The following MGAM variants were observed in gnomAD, a reference collection of about 807,000 sequenced individuals.
MGAM encodes the protein maltase-glucoamylase, also known as alpha-1,4-glucosidase.
In MGAM, 253 loss-of-function variants were observed where a neutral mutation model predicts 358.8. The ratio of observed to expected loss-of-function variants is 0.71; its 90% CI spans 0.64 to 0.78. The LOEUF (loss-of-function observed/expected upper bound fraction) is 0.78, where lower values mean the gene tolerates loss of function less well. Ranked by LOEUF, MGAM falls within the 30% of genes least tolerant of loss-of-function variation. MGAM has a pLI of 0.00. For missense variants in MGAM, 3,080 were observed against 3,432.6 expected, an observed-to-expected ratio of 0.90 and a Z score of 2.57; for synonymous variants, 1,105 against 1,227.1, an observed-to-expected ratio of 0.90 and a Z score of 2.08.
chr7:142,053,554 T>G (rs970810999), intron 26 of MGAM, among the ~76,000 whole-genome samples: 4 of 152,194 alleles, frequency 2.6e-5, no homozygotes, highest in Non-Finnish European at 5.9e-5. Flanking sequence ...TGCAGTAATT[T>G]CATTTCTTTC....
chr7:142,029,716 T>C (rs551477183), intron 10 of MGAM, among the ~76,000 whole-genome samples: 2 of 152,326 alleles, frequency 1.3e-5, no homozygotes, highest in Admixed American at 1.3e-4. Flanking sequence ...AGTTTGAATG[T>C]ACCTATGATA....
chr7:142,069,250 C>CTT (rs904809801), intron 43 of MGAM, among the ~76,000 whole-genome samples: 2 of 145,696 alleles, frequency 1.4e-5, no homozygotes, highest in Non-Finnish European at 3.1e-5. Flanking sequence ...CCTTGTGTGT[C>CTT]TAAGTAGTGC....
Position 142,087,652 on chromosome 7 carries a change from C to T in MGAM, c.6810+935C>T, listed in dbSNP as rs574382896. On this transcript the variant is annotated intron_variant, in intron 57 of 70. Coordinates refer to ENST00000475668, the MANE Select transcript of MGAM (RefSeq NM_001365693.1). Reference sequence around the variant, plus strand: ...AGCCTATGTGACCCCCACAGAAAAGCTGGGGAGACAAGGAAAAGGCCTCTT... The same window carrying T: ...AGCCTATGTGACCCCCACAGAAAAGTTGGGGAGACAAGGAAAAGGCCTCTT... 2.0e-5 allele frequency among the ~76,000 whole-genome samples: 3 copies of T among 146,562 alleles called. No individual in the cohort carries two copies. In the East Asian group the frequency reaches 6.0e-4, roughly 30 times the overall value.
chr7:142,046,144 A>C (rs916176148), intron 21 of MGAM, among the ~76,000 whole-genome samples: 1 of 144,918 alleles, frequency 6.9e-6, no homozygotes, highest in African/African-American at 2.5e-5. Flanking sequence ...TATATATTAT[A>C]TATATATTTA....
intron 2 of MGAM, among the ~76,000 whole-genome samples, chr7:142,007,006 C>G (rs944693579): frequency 3.3e-5 from 5 of 152,066 alleles, no homozygotes; most frequent in Non-Finnish European, 5.9e-5. Flanking sequence ...TCCCCATAAA[C>G]TTTTTGTGAG....
chr7:142,061,681 A>G (rs1265587209), intron 34 of MGAM, among the ~76,000 whole-genome samples: 1 of 152,158 alleles, frequency 6.6e-6, no homozygotes, highest in Non-Finnish European at 1.5e-5. Context: ...TGGTGTGATT[A>G]TCATAGAGGA....
intron 12 of MGAM, 127 bp downstream of exon 12, chr7:142,030,884 C>T: frequency 1.5e-6 from 1 of 672,428 alleles, no homozygotes; most frequent in South Asian, 1.9e-5. Flanking sequence ...TTTATATATG[C>T]TGGGGATAAA....
At chr7:142,100,736 T>C (rs1816369371) in intron 67 of MGAM, 66 bp from the exon 68 acceptor site, 7 of 1,356,818 alleles carry the variant, frequency 5.2e-6, no homozygotes, top group Non-Finnish European at 7.3e-6. Context: ...TATGTTTGTA[T>C]GTAAAGTCTT....
At chr7:142,034,908 C>G in intron 16 of MGAM, 67 bp downstream of exon 16, 1 of 1,498,006 alleles carries the variant, frequency 6.7e-7, no homozygotes, top group Non-Finnish European at 9.1e-7. Flanking sequence ...AGAAAGTTTT[C>G]AAACCACAAA....
At chr7:141,992,942 A>C (rs1804010115), upstream of MGAM, among the ~76,000 whole-genome samples, 1 of 152,134 alleles carries the variant, frequency 6.6e-6, no homozygotes, top group South Asian at 2.1e-4. Flanking sequence ...TTCCTCTTTT[A>C]GCTGTAAATT....
chr7:142,053,599 C>G, intron 26 of MGAM, among the ~76,000 whole-genome samples: 1 of 152,090 alleles, frequency 6.6e-6, no homozygotes, highest in African/African-American at 2.4e-5. Flanking sequence ...TAGGGATGGA[C>G]TAGCTGTGAT....
At chr7:142,054,215 T>C (rs1811276673) in intron 26 of MGAM, among the ~76,000 whole-genome samples, 1 of 152,236 alleles carries the variant, frequency 6.6e-6, no homozygotes, top group African/African-American at 2.4e-5. Flanking sequence ...TGTGAGCTGC[T>C]CTCTTTGACT....
chr7:142,036,369 T>A (rs1807998015), intron 17 of MGAM, 84 bp downstream of exon 17: 1 of 1,006,602 alleles, frequency 9.9e-7, no homozygotes, highest in Non-Finnish European at 1.5e-6. Flanking sequence ...AGAGATCTGC[T>A]GAACCAACCT....
chr7:142,069,989 C>G (rs1349465138), intron 43 of MGAM, among the ~76,000 whole-genome samples: 2 of 145,084 alleles, frequency 1.4e-5, no homozygotes, highest in African/African-American at 2.4e-5. Context: ...GTCAGGAGAT[C>G]GAGACCATCC....
intron 4 of MGAM, among the ~76,000 whole-genome samples, chr7:142,019,889 C>A (rs148982554): frequency 1.3e-5 from 2 of 151,852 alleles, no homozygotes; most frequent in African/African-American, 4.8e-5. Context: ...GCCAACATGG[C>A]GAAACCCCAT....
At chr7:142,083,845 A>G (rs1381399733) in intron 53 of MGAM, among the ~76,000 whole-genome samples, 1 of 141,714 alleles carries the variant, frequency 7.1e-6, no homozygotes, top group African/African-American at 2.5e-5. Flanking sequence ...AGTGGTGGTG[A>G]TGGTGACGAT....
rs1260194136 is a variant in MGAM at position 142,044,394 on chromosome 7, C to T, written c.2499-3391C>T. ...ATATAATGAATATTATATACACATACGATATATGATATATAATGAATATTA... is the reference window on the plus strand; with the variant it reads ...ATATAATGAATATTATATACACATATGATATATGATATATAATGAATATTA... On this transcript the variant is annotated intron_variant, in intron 21 of 70. Coordinates refer to ENST00000475668, the MANE Select transcript of MGAM (RefSeq NM_001365693.1). 5.0e-5 allele frequency among the ~76,000 whole-genome samples: 5 copies of T among 99,320 alleles called. 1 individual carries two copies. Among genetic ancestry groups the T allele is most frequent in the East Asian group, 2.7e-4 (1 of 3,748 alleles). The allele number at this position is 99,320 out of a possible 152,430, so 65.2% of individuals were successfully genotyped here. A position where few individuals can be genotyped will look rare whatever the true frequency, so the allele number is the denominator to read the frequency against.
chr7:142,048,127 A>G (rs1204719328), intron 22 of MGAM, among the ~76,000 whole-genome samples: 1 of 31,546 alleles, frequency 3.2e-5, no homozygotes, highest in Non-Finnish European at 1.0e-4. Flanking sequence ...TTATTTATTT[A>G]TTTATTTATT....
intron 21 of MGAM, among the ~76,000 whole-genome samples, chr7:142,042,554 C>T (rs1280775716): frequency 1.4e-3 from 3 of 2,204 alleles, no homozygotes; most frequent in East Asian, 0.026. Context: ...ATTATATATA[C>T]ATATTATATA....
Sources: allele counts gnomAD v4.1 joint callset (sites outside exome capture counted in the v4.1 genomes callset), GRCh38; gene constraint gnomAD v4.1.1; transcripts MANE v1.5; gene names NCBI Gene and HGNC (gene_info 2026-07-23, HGNC 2026-07-21).